CDKL5: variants seen among roughly 807,000 people sequenced by gnomAD.
The protein encoded by CDKL5 is cyclin dependent kinase like 5, also known as cyclin-dependent kinase-like 5.
In CDKL5, 8 loss-of-function variants were observed where a neutral mutation model predicts 61.7. The observed-to-expected ratio is 0.13, with a 90% CI of 0.08 to 0.23. The LOEUF (loss-of-function observed/expected upper bound fraction) is 0.23. Ranked by LOEUF, CDKL5 falls within the 10% of genes least tolerant of loss-of-function variation. The pLI, the probability that CDKL5 is intolerant of heterozygous loss-of-function variation, is 1.00. For missense variants in CDKL5, 440 were observed against 734.5 expected, an observed-to-expected ratio of 0.60 and a Z score of 4.63; for synonymous variants, 275 against 272.3, an observed-to-expected ratio of 1.01 and a Z score of -0.10.
chrX:18,450,582 C>CT (rs1192684638), intron 1 of CDKL5, among the ~76,000 whole-genome samples: 7 of 109,380 alleles, frequency 6.4e-5, no homozygotes, highest in East Asian at 2.9e-4. Context: ...CATTTTGAGG[C>CT]TTTTTTTTTG....
At chrX:18,527,300 G>C (rs1387014126) in intron 3 of CDKL5, among the ~76,000 whole-genome samples, 1 of 112,001 alleles carries the variant, frequency 8.9e-6, no homozygotes, top group Non-Finnish European at 1.9e-5. Context: ...TTGTCTGGAA[G>C]AGATTGTAGA....
At position 18,553,465 on chromosome X, in the gene CDKL5, C is replaced by CTTGTGT. The variant is rs1459635424; in HGVS notation, c.100-11012_100-11011insTTGTGT. Reference sequence around the variant, plus strand: ...GCTTGAAGGCAGTTGTGTGTGTGTGCGTGTGTGTGTGTGTGTGTGTGTGTG... The same window carrying CTTGTGT: ...GCTTGAAGGCAGTTGTGTGTGTGTGCTTGTGTGTGTGTGTGTGTGTGTGTGTGTGTG... On this transcript the variant is annotated intron_variant, in intron 3 of 17. Coordinates refer to ENST00000623535, the MANE Select transcript of CDKL5 (RefSeq NM_001323289.2). 9.1e-3 allele frequency among the ~76,000 whole-genome samples: 826 copies of CTTGTGT among 90,818 alleles called. 8 individuals carry two copies. Among genetic ancestry groups the CTTGTGT allele is most frequent in the African/African-American group, 0.031 (768 of 24,970 alleles). 78.9% of individuals were successfully genotyped at this position (90,818 alleles called of 115,157 possible).
At chrX:18,640,869 C>T (rs1927549012), downstream of CDKL5, 1 of 112,755 alleles carries the variant, frequency 8.9e-6, no homozygotes, top group Non-Finnish European at 1.9e-5. Context: ...TCAGGCTGCG[C>T]TCTAAGTGGC....
At chrX:18,488,383 C>G (rs1921866219) in intron 1 of CDKL5, among the ~76,000 whole-genome samples, 1 of 111,120 alleles carries the variant, frequency 9.0e-6, no homozygotes, top group Non-Finnish European at 1.9e-5. Flanking sequence ...TTATGTAGTT[C>G]AAAATAAATG....
rs778017465 is a variant in CDKL5, at chrX:18,628,688, G to A, written c.2814G>A (p.Gly938=). Residue 938 remains glycine (G), a synonymous_variant, in exon 18 of 18, where the codon GGG becomes GGA. Transcript: ENST00000623535. ...TGGGTGCCAAAAGTGGGCCAAATGG[G>A]CACCCCTATAACAGAACAAATCGCT... ...EQLGAKSGPN[G]HPYNRTNRSR... is the part of the protein sequence containing the mutation. The A allele has an allele frequency of 1.7e-6, 2 of 1,194,214 alleles. No individual in the cohort carries two copies. The highest frequency in any genetic ancestry group is 2.3e-6 in the Non-Finnish European group (2 of 886,939).
intron 1 of CDKL5, among the ~76,000 whole-genome samples, chrX:18,504,344 G>A (rs1027647802): frequency 9.9e-5 from 11 of 111,169 alleles, no homozygotes; most frequent in Non-Finnish European, 1.9e-4. Flanking sequence ...GGGCTCAAGC[G>A]ATCCTTCTGC....
intron 3 of CDKL5, among the ~76,000 whole-genome samples, chrX:18,538,845 A>T (rs1387150650): frequency 8.9e-6 from 1 of 112,250 alleles, no homozygotes; most frequent in African/African-American, 3.2e-5. Context: ...CAGCAAACCT[A>T]TTTGAGCTTG....
At chrX:18,605,494 C>G (rs1926332605) in intron 12 of CDKL5, among the ~76,000 whole-genome samples, 1 of 111,611 alleles carries the variant, frequency 9.0e-6, no homozygotes, top group African/African-American at 3.3e-5. Flanking sequence ...AAAGAAGTAG[C>G]ATTCCTTCAC....
intron 15 of CDKL5, among the ~76,000 whole-genome samples, chrX:18,618,236 C>G (rs992711035): frequency 1.7e-4 from 19 of 112,195 alleles, no homozygotes; most frequent in Admixed American, 1.1e-3. Context: ...GACTTTCATT[C>G]TGCTTGGTAA....
chrX:18,530,439 C>T (rs1177863806), intron 3 of CDKL5, among the ~76,000 whole-genome samples: 1 of 110,903 alleles, frequency 9.0e-6, no homozygotes, highest in African/African-American at 3.3e-5. Flanking sequence ...TTTTGCTCAG[C>T]CGTGTCCAGT....
rs587783154 is a variant in CDKL5, at chrX:18,604,742, A to G, written c.1818A>G (p.Gln606=). ...ACACCAGCCCCTTTTCTTCCCAGCA[A>G]CGTCCTCATAGGCATTCTATGTATG... The part of the protein sequence containing the change: ...LGYTSPFSSQ[Q]RPHRHSMYVT... The change falls in exon 12 of 18, where the codon CAA becomes CAG. Residue 606 remains glutamine, a synonymous_variant. Coordinates refer to ENST00000623535, the MANE Select transcript of CDKL5 (RefSeq NM_001323289.2). 2.1e-5 allele frequency: 26 copies of G among 1,210,114 alleles called. 1 individual carries two copies. Among genetic ancestry groups the G allele is most frequent in the African/African-American group, 1.9e-4 (11 of 57,138 alleles).
At chrX:18,542,122 C>A (rs997626212) in intron 3 of CDKL5, among the ~76,000 whole-genome samples, 2 of 111,482 alleles carry the variant, frequency 1.8e-5, no homozygotes, top group African/African-American at 6.5e-5. Flanking sequence ...TTCTTTGACA[C>A]CCCTTCTGGA....
At chrX:18,586,170 C>A (rs889681788) in intron 8 of CDKL5, among the ~76,000 whole-genome samples, 2 of 111,450 alleles carry the variant, frequency 1.8e-5, no homozygotes, top group African/African-American at 3.3e-5. Flanking sequence ...ATTGTGTAGG[C>A]AGAGTTTAGA....
chrX:18,466,942 C>A (rs1602207696), intron 1 of CDKL5, among the ~76,000 whole-genome samples: 1 of 111,717 alleles, frequency 9.0e-6, no homozygotes, highest in Non-Finnish European at 1.9e-5. Context: ...GCAGGAAGAA[C>A]TCTGGAAACT....
intron 4 of CDKL5, among the ~76,000 whole-genome samples, chrX:18,566,096 C>G (rs1924960302): frequency 8.9e-6 from 1 of 112,185 alleles, no homozygotes; most frequent in Non-Finnish European, 1.9e-5. Flanking sequence ...TCAGTTACCA[C>G]CAAAAATAAT....
intron 9 of CDKL5, among the ~76,000 whole-genome samples, chrX:18,590,805 A>G (rs183899386): frequency 8.5e-4 from 95 of 111,923 alleles, no homozygotes; most frequent in African/African-American, 3.1e-3. Flanking sequence ...CCAGTCTAGA[A>G]GAAAGAAAAA....
chrX:18,652,527 A>G (rs1481240007), intron 21 of CDKL5, among the ~76,000 whole-genome samples: 2 of 111,286 alleles, frequency 1.8e-5, no homozygotes, highest in Non-Finnish European at 3.8e-5. Flanking sequence ...AAATTAGCCG[A>G]GCGCAGTGGT....
intron 2 of CDKL5, among the ~76,000 whole-genome samples, chrX:18,507,619 T>G (rs969029399): frequency 6.3e-5 from 7 of 110,320 alleles, no homozygotes; most frequent in Non-Finnish European, 1.3e-4. Context: ...TTACCCAGAC[T>G]GGAGTGCAGT....
chrX:18,501,768 C>T (rs944984788), intron 1 of CDKL5, among the ~76,000 whole-genome samples: 2 of 110,345 alleles, frequency 1.8e-5, no homozygotes, highest in African/African-American at 6.6e-5. Flanking sequence ...ATGCTGGTCT[C>T]GAACTCCTGA....
Sources: gnomAD v4.1 joint callset for allele counts (sites outside exome capture counted in the v4.1 genomes callset) on GRCh38, gnomAD v4.1.1 for gene constraint, MANE v1.5 for transcripts, NCBI Gene and HGNC (gene_info 2026-07-23, HGNC 2026-07-21) for gene names.